Variants in PHC3 observed in about 807,000 individuals in gnomAD.
PHC3 encodes the protein polyhomeotic homolog 3.
A neutral mutation model predicts 107.4 loss-of-function variants in PHC3; 13 were observed. The observed-to-expected ratio is 0.12, with a 90% CI of 0.08 to 0.19. PHC3 has a LOEUF of 0.19. PHC3 is among the 10% of genes least tolerant of loss of function. The pLI, the probability that PHC3 is intolerant of heterozygous loss-of-function variation, is 1.00. For synonymous variants in PHC3, 456 were observed against 427.4 expected (o/e 1.07, Z -0.83); for missense variants, 992 against 1,210.9 (o/e 0.82, Z 2.68).
chr3:170,135,821 T>C (rs1577106955), intron 7 of PHC3, among the ~76,000 whole-genome samples: 2 of 152,308 alleles, frequency 1.3e-5, no homozygotes, highest in African/African-American at 4.8e-5. Context: ...TCACTCTGGA[T>C]GGCCCCCACA....
intron 12 of PHC3, 99 bp downstream of exon 12, chr3:170,106,733 A>G: frequency 3.3e-6 from 2 of 599,214 alleles, no homozygotes. Context: ...ACATATTAAA[A>G]TATCTATAGT....
chr3:170,111,388 A>G (rs572987952), intron 11 of PHC3, among the ~76,000 whole-genome samples: 20 of 149,308 alleles, frequency 1.3e-4, no homozygotes, highest in African/African-American at 4.2e-4. Flanking sequence ...AAGAGAGAGA[A>G]AGAAAGAGGA....
intron 2 of PHC3, chr3:170,176,951 A>C (rs1450092179): frequency 2.2e-6 from 1 of 453,830 alleles, no homozygotes; most frequent in Non-Finnish European, 4.4e-6. Flanking sequence ...ATGGAATTCA[A>C]ACAAAGTATA....
Position 170,129,681 on chromosome 3 carries a change from CAA to C in PHC3, c.920-131_920-130del, listed in dbSNP as rs960673476. On this transcript the variant is annotated intron_variant, in intron 7 of 14. Transcript: ENST00000495893. Reference sequence around the variant, plus strand: ...AGAATTCTATTACAAGTTTTCCAAACAAGAGTAATTTGAAAAAAAAAAAATTT... The same window carrying C: ...AGAATTCTATTACAAGTTTTCCAAACGAGTAATTTGAAAAAAAAAAAATTT... 16 of 984,586 alleles carry C rather than the reference CAA, an allele frequency of 1.6e-5. No individual in the cohort carries two copies. In the African/African-American group the frequency reaches 1.8e-4, roughly 11 times the overall value. The allele number at this position is 984,586 out of a possible 1,614,324, so 61.0% of individuals were successfully genotyped here.
intron 4 of PHC3, among the ~76,000 whole-genome samples, chr3:170,151,395 G>A (rs978232262): frequency 6.6e-6 from 1 of 151,978 alleles, no homozygotes; most frequent in African/African-American, 2.4e-5. Context: ...GTGACCAAAC[G>A]GTATCACTGA....
At chr3:170,153,817 C>A (rs1279451587) in intron 4 of PHC3, among the ~76,000 whole-genome samples, 1 of 151,898 alleles carries the variant, frequency 6.6e-6, no homozygotes, top group Non-Finnish European at 1.5e-5. Flanking sequence ...CCCTGACAAC[C>A]TCTCTAGCAT....
rs889854185 is a variant in PHC3, at chr3:170,091,283, G to A, written c.*5947C>T. On this transcript the variant is annotated 3_prime_UTR_variant, in exon 15 of 15. Transcript: ENST00000495893. ...CACCTTGCCATGTTAGTATAACAGT[G>A]TTTTCAAATTATGTTGTTTTCAAAA... The A allele has an allele frequency of 6.6e-6, 1 of 152,124 alleles. No homozygotes were observed. The highest frequency in any genetic ancestry group is 2.4e-5 in the African/African-American group (1 of 41,424). 9.4% of individuals were successfully genotyped at this position (152,124 alleles called of 1,614,324 possible).
At chr3:170,150,721 A>G (rs1725809274) in intron 4 of PHC3, 1 of 423,808 alleles carries the variant, frequency 2.4e-6, no homozygotes, top group African/African-American at 2.1e-5. Context: ...TAAAAAGAGA[A>G]AAGAAAAAAA....
intron 4 of PHC3, among the ~76,000 whole-genome samples, chr3:170,156,898 A>G (rs997265945): frequency 3.9e-5 from 6 of 152,172 alleles, no homozygotes; most frequent in African/African-American, 1.4e-4. Flanking sequence ...CCCTGCTGAG[A>G]CTACGTGTTT....
At chr3:170,156,840 G>A (rs1048546957) in intron 4 of PHC3, among the ~76,000 whole-genome samples, 1 of 147,006 alleles carries the variant, frequency 6.8e-6, no homozygotes, top group African/African-American at 2.5e-5. Context: ...CGTGATCCAC[G>A]CACCTCGGCC....
rs148273419 is a variant in PHC3, at chr3:170,140,933, C to T, written c.673-4268G>A. ...CACACTCTGCCCTATAACATCTTTCCAAAAATCTTTTTTTATGTGGGTGTG... is the reference window on the plus strand; with the variant it reads ...CACACTCTGCCCTATAACATCTTTCTAAAAATCTTTTTTTATGTGGGTGTG... On this transcript the variant is annotated intron_variant, in intron 6 of 14. Transcript: ENST00000495893. 7.5e-3 allele frequency among the ~76,000 whole-genome samples: 1,142 copies of T among 152,114 alleles called. 8 individuals are homozygous for T. Among genetic ancestry groups the T allele is most frequent in the Non-Finnish European group, 0.012 (808 of 67,990 alleles).
intron 8 of PHC3, among the ~76,000 whole-genome samples, chr3:170,127,614 C>A (rs1721551632): frequency 6.6e-6 from 1 of 151,948 alleles, no homozygotes; most frequent in African/African-American, 2.4e-5. Flanking sequence ...GAGGATAATC[C>A]AAGTATGAAA....
chr3:170,134,362 G>T (rs1722727333), intron 7 of PHC3, among the ~76,000 whole-genome samples: 1 of 151,938 alleles, frequency 6.6e-6, no homozygotes, highest in African/African-American at 2.4e-5. Context: ...GCTAATTTTT[G>T]TATTTTTAGT....
rs561603927 is a variant in PHC3, at chr3:170,177,547, A to T, written c.180+1226T>A. Among the ~76,000 whole-genome samples the T allele has an allele frequency of 2.6e-5, 4 of 152,122 alleles. No homozygotes were observed. The East Asian group carries it at 7.7e-4, about 29-fold the overall frequency. The stretch of plus-strand genomic sequence containing the variant: ...ATGCCTGGCTAATTTTTGTATTCTT[A>T]GTAGAGACGGGGTTTCACCATGTTG... On this transcript the variant is annotated intron_variant, in intron 2 of 14. Transcript: ENST00000495893.
intron 14 of PHC3, among the ~76,000 whole-genome samples, chr3:170,100,991 A>C (rs1482255106): frequency 3.3e-5 from 5 of 152,184 alleles, no homozygotes; most frequent in African/African-American, 1.2e-4. Flanking sequence ...GCCCAGCCCC[A>C]GGTATCCACA....
intron 6 of PHC3, among the ~76,000 whole-genome samples, chr3:170,138,689 C>CAAAAAA (rs11284597): frequency 4.9e-5 from 4 of 81,306 alleles, no homozygotes; most frequent in East Asian, 3.5e-4. Flanking sequence ...GACTCTGTCT[C>CAAAAAA]AAAAAAAAAA....
chr3:170,146,767 A>C (rs1725033845), intron 5 of PHC3, among the ~76,000 whole-genome samples: 1 of 151,660 alleles, frequency 6.6e-6, no homozygotes, highest in East Asian at 1.9e-4. Flanking sequence ...TCCTGACCTC[A>C]AGTGATCCGC....
chr3:170,136,252 C>CT lies in PHC3; in HGVS notation c.919+166dup, dbSNP rs571117190. The CT allele has an allele frequency of 5.3e-6, 4 of 747,762 alleles. No individual in the cohort carries two copies. In the African/African-American group the frequency reaches 5.5e-5, roughly 10 times the overall value. The allele number at this position is 747,762 out of a possible 1,614,324, so 46.3% of individuals were successfully genotyped here. Reference sequence around the variant, plus strand: ...GTTACAATTTATTTTATCTTTTGGGCTTTTTTGTCTCTTTTCAAGCTACAC... The same window carrying CT: ...GTTACAATTTATTTTATCTTTTGGGCTTTTTTTGTCTCTTTTCAAGCTACAC... On this transcript the variant is annotated intron_variant, in intron 7 of 14. Coordinates refer to ENST00000495893, the MANE Select transcript of PHC3 (RefSeq NM_024947.4).
At position 170,178,709 on chromosome 3, in the gene PHC3, A is replaced by G. The variant is rs76070096; in HGVS notation, c.180+64T>C. 3,581 of 1,529,694 alleles carry G rather than the reference A, an allele frequency of 2.3e-3. 74 individuals are homozygous for G. The African/African-American group carries it at 0.042, about 18-fold the overall frequency. 94.8% of individuals were successfully genotyped at this position (1,529,694 alleles called of 1,614,324 possible). ...AGAATATGAAACAATACATAAATCCAGCTTAAGCAAAAAGTAATATGACAT... is the reference window on the plus strand; with the variant it reads ...AGAATATGAAACAATACATAAATCCGGCTTAAGCAAAAAGTAATATGACAT... On this transcript the variant is annotated intron_variant, in intron 2 of 14. Transcript: ENST00000495893.
Sources: allele counts gnomAD v4.1 joint callset (sites outside exome capture counted in the v4.1 genomes callset), GRCh38; gene constraint gnomAD v4.1.1; transcripts MANE v1.5; gene names NCBI Gene and HGNC (gene_info 2026-07-23, HGNC 2026-07-21).